The following HECW2 variants were observed in gnomAD, a reference collection of about 807,000 sequenced individuals.
HECW2 encodes E3 ubiquitin-protein ligase HECW2.
Under a neutral mutation model 175.2 loss-of-function variants are expected in HECW2, and 61 were observed. That is an observed-to-expected ratio of 0.35 (90% confidence interval 0.28 to 0.43). The LOEUF is 0.43. HECW2 is among the 20% of genes least tolerant of loss of function. The pLI is 1.00. For missense variants in HECW2, 1,524 were observed against 2,000.5 expected (o/e 0.76, Z 4.54); for synonymous variants, 671 against 731.0 (o/e 0.92, Z 1.32).
intron 1 of HECW2, among the ~76,000 whole-genome samples, chr2:196,447,673 T>C (rs1302520409): frequency 6.6e-6 from 1 of 152,208 alleles, no homozygotes; most frequent in Non-Finnish European, 1.5e-5. Context: ...AATATGACTT[T>C]CTTTATGACT....
Position 196,319,869 on chromosome 2 carries a change from C to A in HECW2, c.1021G>T (p.Val341Phe), listed in dbSNP as rs1483745015. Reference sequence around the variant, plus strand: ...CCTAAGTCTCCATTCACAGAATTGACTCCAAGTATTGTGCCAACAGCTTCT... The same window carrying A: ...CCTAAGTCTCCATTCACAGAATTGAATCCAAGTATTGTGCCAACAGCTTCT... ...SPEAVGTILGVNSVNGDLGSP... is the reference protein window; with the variant it reads ...SPEAVGTILGFNSVNGDLGSP... Residue 341 changes from valine (V) to phenylalanine (F), a missense_variant, in exon 9 of 29, where the codon GTC becomes TTC. Val to Phe is a conservative substitution (Grantham distance 50, BLOSUM62 -1). Around this residue, in one of 11 missense-constraint regions of HECW2, gnomAD observed 604 missense variants for 588.3 expected, o/e 1.03. Coordinates refer to ENST00000644978, the MANE Select transcript of HECW2 (RefSeq NM_001348768.2). The A allele has an allele frequency of 6.2e-7, 1 of 1,612,152 alleles. No homozygotes were observed. Among genetic ancestry groups the A allele is most frequent in the African/African-American group, 1.3e-5 (1 of 75,012 alleles).
chr2:196,517,185 A>G (rs1013355496), intron 1 of HECW2, among the ~76,000 whole-genome samples: 1 of 152,126 alleles, frequency 6.6e-6, no homozygotes, highest in African/African-American at 2.4e-5. Context: ...ATTATTCCTA[A>G]TATCCCTCAG....
At chr2:196,240,847 A>AG (rs1688424278) in intron 20 of HECW2, among the ~76,000 whole-genome samples, 1 of 151,326 alleles carries the variant, frequency 6.6e-6, no homozygotes, top group Non-Finnish European at 1.5e-5. Context: ...CAGAAAAAAA[A>AG]TGATCATAAA....
chr2:196,499,405 A>G (rs976129570), intron 1 of HECW2, among the ~76,000 whole-genome samples: 2 of 152,226 alleles, frequency 1.3e-5, no homozygotes, highest in Non-Finnish European at 2.9e-5. Context: ...TTTTTTAATC[A>G]ATGCAGGTTT....
intron 15 of HECW2, among the ~76,000 whole-genome samples, chr2:196,277,246 G>A (rs1034288917): frequency 2.0e-5 from 3 of 152,110 alleles, no homozygotes; most frequent in African/African-American, 7.2e-5. Context: ...CCTGCAAATC[G>A]GTAAAGTAGA....
At chr2:196,246,580 C>T (rs544219090) in intron 19 of HECW2, among the ~76,000 whole-genome samples, 277 of 151,880 alleles carry the variant, frequency 1.8e-3, no homozygotes, top group Non-Finnish European at 2.9e-3. Context: ...TTAGTAGAGA[C>T]GGGGTTTCAC....
At chr2:196,485,987 T>C (rs906052900) in intron 1 of HECW2, among the ~76,000 whole-genome samples, 9 of 152,296 alleles carry the variant, frequency 5.9e-5, no homozygotes, top group Admixed American at 2.6e-4. Context: ...GCATCATACA[T>C]ACCACACTAT....
rs1295566169 is a variant in HECW2 at position 196,289,274 on chromosome 2, C to G, written c.3000+3291G>C. The G allele has an allele frequency of 2.0e-5, 3 of 148,998 alleles. No individual in the cohort carries two copies. In the East Asian group the frequency reaches 6.1e-4, roughly 30 times the overall value. 9.2% of individuals were successfully genotyped at this position (148,998 alleles called of 1,614,324 possible). ...AGGATATGGACATCCTGTTTCATAT[C>G]AACTCTAGAAATCAGTCATCACTGT... is the stretch of plus-strand genomic sequence containing the variant. On this transcript the variant is annotated intron_variant, in intron 14 of 28. Coordinates refer to ENST00000644978, the MANE Select transcript of HECW2 (RefSeq NM_001348768.2).
intron 2 of HECW2, among the ~76,000 whole-genome samples, chr2:196,402,942 G>T (rs538057834): frequency 6.6e-6 from 1 of 152,200 alleles, no homozygotes; most frequent in African/African-American, 2.4e-5. Flanking sequence ...GAGTAGCTGG[G>T]ATTACAGGCG....
rs775660794 is a variant in HECW2 at position 196,319,053 on chromosome 2, C to G, written c.1837G>C (p.Glu613Gln). 6.2e-7 allele frequency: 1 copy of G among 1,613,106 alleles called. No homozygotes were observed. Among genetic ancestry groups the G allele is most frequent in the Non-Finnish European group, 8.5e-7 (1 of 1,179,662 alleles). Residue 613 changes from glutamate (E) to glutamine (Q), a missense_variant, in exon 9 of 29, where the codon GAA becomes CAA. By Grantham distance (29) the Glu-to-Gln change is conservative. Around this residue, in one of 11 missense-constraint regions of HECW2, gnomAD observed 604 missense variants for 588.3 expected, o/e 1.03. Transcript: ENST00000644978. Reference protein sequence around the residue: ...QGSEPSQVSSETEPSDPARTE... With the variant: ...QGSEPSQVSSQTEPSDPARTE... ...CTGGCAGGATCACTGGGTTCTGTTTCAGAGGACACCTGGGAAGGCTCAGAG... is the reference window on the plus strand; with the variant it reads ...CTGGCAGGATCACTGGGTTCTGTTTGAGAGGACACCTGGGAAGGCTCAGAG...
chr2:196,328,906 T>C (rs1176054785), intron 5 of HECW2, among the ~76,000 whole-genome samples: 2 of 152,184 alleles, frequency 1.3e-5, no homozygotes, highest in East Asian at 3.8e-4. Context: ...CACATAAATA[T>C]AGGGATGTAT....
intron 15 of HECW2, among the ~76,000 whole-genome samples, chr2:196,278,242 G>C (rs569662412): frequency 7.0e-6 from 1 of 143,102 alleles, no homozygotes; most frequent in South Asian, 2.3e-4. Context: ...TTCCTGTCTC[G>C]AACATTTTAG....
intron 21 of HECW2, among the ~76,000 whole-genome samples, chr2:196,231,050 C>T (rs1319013760): frequency 1.4e-5 from 2 of 142,228 alleles, no homozygotes; most frequent in Admixed American, 1.5e-4. Flanking sequence ...TTGCAGATGG[C>T]GCCTCTGCAC....
intron 13 of HECW2, among the ~76,000 whole-genome samples, chr2:196,296,839 G>C (rs911121641): frequency 6.6e-6 from 1 of 152,228 alleles, no homozygotes; most frequent in Admixed American, 6.5e-5. Context: ...ATAGGATTAG[G>C]TTGACAGAGT....
chr2:196,256,400 C>A (rs1231508576), intron 18 of HECW2, among the ~76,000 whole-genome samples: 1 of 152,086 alleles, frequency 6.6e-6, no homozygotes, highest in African/African-American at 2.4e-5. Flanking sequence ...TATTTGAATT[C>A]AAATACATTT....
intron 1 of HECW2, among the ~76,000 whole-genome samples, chr2:196,436,512 CAG>C (rs995208895): frequency 6.6e-6 from 1 of 151,224 alleles, no homozygotes; most frequent in Non-Finnish European, 1.5e-5. Context: ...AAGGATACAA[CAG>C]AGCAAAAGTC....
chr2:196,238,450 TC>T (rs1433672802), intron 21 of HECW2: 16 of 70,848 alleles, frequency 2.3e-4, no homozygotes, highest in African/African-American at 6.9e-4. Flanking sequence ...TTTCTTTCTT[TC>T]TTTCTTTCTT....
chr2:196,297,772 T>C (rs1690874969), intron 13 of HECW2, among the ~76,000 whole-genome samples: 2 of 152,246 alleles, frequency 1.3e-5, no homozygotes, highest in Non-Finnish European at 2.9e-5. Flanking sequence ...ATTTGAGCAC[T>C]TGTATACATT....
intron 13 of HECW2, among the ~76,000 whole-genome samples, chr2:196,297,707 G>C (rs1419186114): frequency 6.6e-6 from 1 of 152,162 alleles, no homozygotes; most frequent in African/African-American, 2.4e-5. Context: ...TTCAGGTTTG[G>C]AAAAGCACGT....
Sources: allele counts gnomAD v4.1 joint callset (sites outside exome capture counted in the v4.1 genomes callset), GRCh38; gene constraint gnomAD v4.1.1; regional missense constraint gnomAD v4.1.1; transcripts MANE v1.5; gene names NCBI Gene and HGNC (gene_info 2026-07-23, HGNC 2026-07-21).